The following FLT1 variants were observed in gnomAD, a reference collection of about 807,000 sequenced individuals.
FLT1 encodes the protein vascular endothelial growth factor receptor 1.
Under a neutral mutation model 156.3 loss-of-function variants are expected in FLT1, and 49 were observed. The ratio of observed to expected loss-of-function variants is 0.31; its 90% CI spans 0.25 to 0.40. FLT1 has a LOEUF of 0.40. Among genes scored for constraint, FLT1 ranks in the 10% least tolerant of loss-of-function variants. The pLI, the probability that FLT1 is intolerant of heterozygous loss-of-function variation, is 1.00. For missense variants in FLT1, 1,322 were observed against 1,637.2 expected, an observed-to-expected ratio of 0.81 and a Z score of 3.32; for synonymous variants, 594 against 583.8, an observed-to-expected ratio of 1.02 and a Z score of -0.25.
chr13:28,484,167 T>C (rs1417903589), intron 1 of FLT1, among the ~76,000 whole-genome samples: 1 of 152,242 alleles, frequency 6.6e-6, no homozygotes, highest in African/African-American at 2.4e-5. Flanking sequence ...TGTCCTCCCC[T>C]ATCCAATTCA....
chr13:28,372,072 A>T (rs1214964860), intron 14 of FLT1, among the ~76,000 whole-genome samples: 281 of 15,420 alleles, frequency 0.018, 3 homozygotes, highest in Non-Finnish European at 0.021. Context: ...ATATATATAT[A>T]TATATTTTTT....
At position 28,405,975 on chromosome 13, in the gene FLT1, T is replaced by C. The variant is rs1875773687; in HGVS notation, c.1437-81A>G. On this transcript the variant is annotated intron_variant, in intron 10 of 29. Coordinates refer to ENST00000282397, the MANE Select transcript of FLT1 (RefSeq NM_002019.4). ...GGACAGGTGAAATGAAAACTTGGTG[T>C]AAGTCCTCAGATAACAAAGTCACAA... The C allele has an allele frequency of 6.4e-6, 5 of 784,454 alleles. No homozygotes were observed. The South Asian group carries it at 6.8e-5, about 11-fold the overall frequency. 48.6% of individuals were successfully genotyped at this position (784,454 alleles called of 1,614,324 possible). A position where few individuals can be genotyped will look rare whatever the true frequency, so the allele number is the denominator to read the frequency against.
In FLT1 at chr13:28,463,256, G is replaced by T. The variant is rs571918306; in HGVS notation, c.388+3647C>A. On this transcript the variant is annotated intron_variant, in intron 3 of 29. Transcript: ENST00000282397. ...AGGTTTGGTGGATTTATACAAGCTG[G>T]AATGATAAAGTGCTGATATTGATTT... Among the ~76,000 whole-genome samples, 4 of 152,230 alleles carry T rather than the reference G, an allele frequency of 2.6e-5. No homozygotes were observed. The East Asian group carries it at 7.7e-4, about 29-fold the overall frequency.
rs77727079 is a variant in FLT1 at position 28,423,600 on chromosome 13, T to C, written c.1436+3559A>G. On this transcript the variant is annotated intron_variant, in intron 10 of 29. Transcript: ENST00000282397. ...AAGAAATGTACCCCAATGCTAGCAA[T>C]GATTACAACCTTGCAAATCTGTGGT... 1.0e-2 allele frequency among the ~76,000 whole-genome samples: 1,520 copies of C among 152,362 alleles called. 29 individuals are homozygous for C. The highest frequency in any genetic ancestry group is 0.034 in the African/African-American group (1,412 of 41,582).
rs564850960 is a variant in FLT1 at position 28,344,491 on chromosome 13, T to A, written c.2355+954A>T. The stretch of plus-strand genomic sequence containing the variant: ...TCTCCCCTGACTGCTCCCTCCAGCA[T>A]CTGCCCCACTGTCACCAGAGGGTCT... On this transcript the variant is annotated intron_variant, in intron 16 of 29. Transcript: ENST00000282397. Among the ~76,000 whole-genome samples, 12 of 152,338 alleles carry A rather than the reference T, an allele frequency of 7.9e-5. No individual in the cohort carries two copies. The East Asian group carries it at 1.7e-3, about 22-fold the overall frequency.
intron 14 of FLT1, among the ~76,000 whole-genome samples, chr13:28,378,733 G>A (rs576110005): frequency 4.6e-5 from 7 of 152,250 alleles, no homozygotes; most frequent in East Asian, 1.9e-4. Flanking sequence ...CAGAAACCTC[G>A]CAGGTGCTTG....
At chr13:28,336,577 G>C (rs909841161) in intron 17 of FLT1, among the ~76,000 whole-genome samples, 1 of 152,146 alleles carries the variant, frequency 6.6e-6, no homozygotes, top group Non-Finnish European at 1.5e-5. Flanking sequence ...GGCAGCATGG[G>C]TTGGGCCGTC....
At chr13:28,329,309 C>T (rs1478031681) in intron 19 of FLT1, among the ~76,000 whole-genome samples, 1 of 152,208 alleles carries the variant, frequency 6.6e-6, no homozygotes, top group Non-Finnish European at 1.5e-5. Flanking sequence ...CTACCTTTTA[C>T]CTTGGCTCTG....
chr13:28,441,528 G>A (rs573231355), intron 3 of FLT1, among the ~76,000 whole-genome samples: 5 of 152,228 alleles, frequency 3.3e-5, no homozygotes, highest in East Asian at 3.9e-4. Flanking sequence ...ATACAGATTC[G>A]CTGCTGGTAC....
chr13:28,462,069 T>C (rs185224720), intron 3 of FLT1, among the ~76,000 whole-genome samples: 184 of 152,318 alleles, frequency 1.2e-3, no homozygotes, highest in African/African-American at 4.3e-3. Flanking sequence ...CAAGAGGAGA[T>C]ATTATATTTA....
At chr13:28,460,698 G>A (rs1049620750) in intron 3 of FLT1, among the ~76,000 whole-genome samples, 1 of 129,842 alleles carries the variant, frequency 7.7e-6, no homozygotes, top group Admixed American at 9.8e-5. Context: ...CTTACAATTG[G>A]CACTGCTTAC....
intron 14 of FLT1, among the ~76,000 whole-genome samples, chr13:28,368,963 C>T (rs925257185): frequency 6.6e-6 from 1 of 151,956 alleles, no homozygotes; most frequent in Non-Finnish European, 1.5e-5. Flanking sequence ...CCTCAGCCTC[C>T]CAAAGTGCTG....
chr13:28,389,338 T>C (rs1874559199), intron 13 of FLT1: 1 of 1,229,064 alleles, frequency 8.1e-7, no homozygotes, highest in Admixed American at 3.9e-5. Flanking sequence ...GAAACCAGCA[T>C]TTGTTTAAAT....
intron 15 of FLT1, among the ~76,000 whole-genome samples, chr13:28,353,892 G>A (rs1326075521): frequency 1.3e-5 from 2 of 152,186 alleles, no homozygotes; most frequent in Non-Finnish European, 2.9e-5. Flanking sequence ...ATAACACATT[G>A]TTTTATCTGT....
At chr13:28,441,062 C>T (rs1346243714) in intron 3 of FLT1, among the ~76,000 whole-genome samples, 2 of 152,154 alleles carry the variant, frequency 1.3e-5, no homozygotes, top group South Asian at 2.1e-4. Flanking sequence ...AGCTGGTGAT[C>T]AGCAGCTTCC....
chr13:28,427,638 T>A, intron 9 of FLT1, 114 bp downstream of exon 9: 1 of 966,810 alleles, frequency 1.0e-6, no homozygotes, highest in Non-Finnish European at 1.7e-6. Context: ...TTTTTTCAAA[T>A]GATTATTTGA....
chr13:28,368,391 A>G (rs1168073842), intron 14 of FLT1: 28 of 1,224,408 alleles, frequency 2.3e-5, no homozygotes, highest in Non-Finnish European at 3.1e-5. Flanking sequence ...ACCTCAAATG[A>G]TCCACCTGCC....
intron 14 of FLT1, among the ~76,000 whole-genome samples, chr13:28,371,503 T>G (rs1873566696): frequency 1.3e-5 from 2 of 152,178 alleles, no homozygotes. Flanking sequence ...AGGAGCTGGC[T>G]GGCCTACCAG....
At chr13:28,344,844 C>T (rs1872505824) in intron 16 of FLT1, among the ~76,000 whole-genome samples, 2 of 114,730 alleles carry the variant, frequency 1.7e-5, no homozygotes, top group Admixed American at 1.3e-4. Context: ...CTCACTCTGT[C>T]GCTCAGGCTG....
Sources: allele counts gnomAD v4.1 joint callset (sites outside exome capture counted in the v4.1 genomes callset), GRCh38; gene constraint gnomAD v4.1.1; transcripts MANE v1.5; gene names NCBI Gene and HGNC (gene_info 2026-07-23, HGNC 2026-07-21).